The following ANKFN1 variants were observed in gnomAD, a reference collection of about 807,000 sequenced individuals.
ANKFN1 encodes the protein ankyrin repeat and fibronectin type-III domain-containing protein 1.
In ANKFN1, 74 loss-of-function variants were observed where a neutral mutation model predicts 108.7. That is an observed-to-expected ratio of 0.68 (90% CI 0.56 to 0.83). ANKFN1 has a LOEUF of 0.83. ANKFN1 is among the 40% of genes least tolerant of loss of function. The probability of loss-of-function intolerance (pLI) is 0.00; values close to 1 mark genes in which losing one functional copy is unlikely to be tolerated. For synonymous variants in ANKFN1, 547 were observed against 516.2 expected (o/e 1.06, Z -0.81); for missense variants, 1,505 against 1,382.3 (o/e 1.09, Z -1.41).
At chr17:56,063,648 T>G (rs1420122373) in intron 4 of ANKFN1, among the ~76,000 whole-genome samples, 1 of 152,062 alleles carries the variant, frequency 6.6e-6, no homozygotes, top group Middle Eastern at 3.2e-3. Context: ...GCAGTTCCTC[T>G]AACCTTTTAT....
chr17:56,445,660 T>C lies in ANKFN1; in HGVS notation c.1099+2727T>C, dbSNP rs530191985. On this transcript the variant is annotated intron_variant, in intron 10 of 20. Transcript: ENST00000682825. Reference sequence around the variant, plus strand: ...TTCAGATATTTACTAGAGGACAATGTATTCTAACATGACAGGGTAATTGGA... The same window carrying C: ...TTCAGATATTTACTAGAGGACAATGCATTCTAACATGACAGGGTAATTGGA... Among the ~76,000 whole-genome samples, 64 of 152,332 alleles carry C rather than the reference T, an allele frequency of 4.2e-4. 1 individual carries two copies. The highest frequency in any genetic ancestry group is 4.3e-4 in the Non-Finnish European group (29 of 68,030).
At chr17:56,196,735 T>C (rs1913550121) in intron 1 of ANKFN1, among the ~76,000 whole-genome samples, 1 of 152,074 alleles carries the variant, frequency 6.6e-6, no homozygotes, top group South Asian at 2.1e-4. Flanking sequence ...AGCAAGACCC[T>C]GTCACAAAGA....
intron 20 of ANKFN1, among the ~76,000 whole-genome samples, chr17:56,506,234 C>T (rs2051560040): frequency 1.3e-5 from 2 of 150,146 alleles, no homozygotes; most frequent in Non-Finnish European, 3.0e-5. Context: ...CATGACAGGC[C>T]CCAGTGTGTG....
chr17:56,180,291 C>T (rs966253180), intron 1 of ANKFN1, among the ~76,000 whole-genome samples: 1 of 152,162 alleles, frequency 6.6e-6, no homozygotes, highest in African/African-American at 2.4e-5. Context: ...ATTCTTTGTT[C>T]TATCTGTTGC....
intron 4 of ANKFN1, among the ~76,000 whole-genome samples, chr17:56,100,929 T>C (rs896843939): frequency 3.3e-5 from 5 of 152,216 alleles, no homozygotes; most frequent in African/African-American, 1.2e-4. Flanking sequence ...GGGCTGACTG[T>C]GTCCTCCTGA....
intron 1 of ANKFN1, among the ~76,000 whole-genome samples, chr17:56,198,154 A>T (rs1243391906): frequency 6.6e-6 from 1 of 152,208 alleles, no homozygotes; most frequent in African/African-American, 2.4e-5. Context: ...GTTTCCAGAG[A>T]CTGAGAAGAC....
At chr17:56,105,711 C>CTCTG (rs1555594333) in intron 4 of ANKFN1, among the ~76,000 whole-genome samples, 3 of 144,544 alleles carry the variant, frequency 2.1e-5, no homozygotes, top group African/African-American at 7.8e-5. Flanking sequence ...GTTTTTTTGT[C>CTCTG]TGTGTGTGTG....
chr17:56,506,063 T>G (rs2051550588), intron 20 of ANKFN1, among the ~76,000 whole-genome samples: 1 of 152,150 alleles, frequency 6.6e-6, no homozygotes. Context: ...GTTTGTTTGT[T>G]TATTTGTTTT....
At chr17:56,466,252 A>G in intron 14 of ANKFN1, 104 bp from the exon 15 acceptor site, 1 of 1,056,486 alleles carries the variant, frequency 9.5e-7, no homozygotes, top group African/African-American at 1.6e-5. Flanking sequence ...GAGAGCAAAC[A>G]GCTTCTCAGA....
intron 1 of ANKFN1, among the ~76,000 whole-genome samples, chr17:56,206,040 G>A (rs1914504180): frequency 6.6e-6 from 1 of 151,994 alleles, no homozygotes; most frequent in Admixed American, 6.6e-5. Flanking sequence ...AGATCCTCAT[G>A]ACTTTATAAT....
chr17:56,060,613 C>T (rs1193815260), intron 4 of ANKFN1, among the ~76,000 whole-genome samples: 4 of 152,068 alleles, frequency 2.6e-5, no homozygotes, highest in Non-Finnish European at 4.4e-5. Context: ...CCATCAATAC[C>T]TAGTTTATTG....
In ANKFN1 at chr17:56,065,504, C is replaced by T. The variant is rs182388996; in HGVS notation, c.288+19179C>T. On this transcript the variant is annotated intron_variant, in intron 4 of 12. Transcript: ENST00000635860. ...CTATCTCAGCCTCTGAGATGCCTTT[C>T]TCGCTAAGTTTGATCATTTCTAGCT... 1.1e-4 allele frequency among the ~76,000 whole-genome samples: 17 copies of T among 152,304 alleles called. No individual in the cohort carries two copies. The East Asian group carries it at 2.9e-3, about 26-fold the overall frequency.
At position 56,295,531 on chromosome 17, in the gene ANKFN1, A is replaced by G. The variant is rs141705646; in HGVS notation, c.54-30690A>G. The stretch of plus-strand genomic sequence containing the variant: ...CAATCCCTCCAGATGATTCCAATGC[A>G]CACTGATACATGAAAACCACTATTC... On this transcript the variant is annotated intron_variant, in intron 3 of 20. Transcript: ENST00000682825. Among the ~76,000 whole-genome samples the G allele has an allele frequency of 3.9e-3, 600 of 152,270 alleles. 3 individuals are homozygous for G. The highest frequency in any genetic ancestry group is 0.014 in the African/African-American group (566 of 41,548).
At chr17:56,300,877 T>C (rs1296539383) in intron 3 of ANKFN1, among the ~76,000 whole-genome samples, 1 of 152,196 alleles carries the variant, frequency 6.6e-6, no homozygotes, top group Non-Finnish European at 1.5e-5. Context: ...GCTTAGAATT[T>C]GGGTCCCTCC....
At chr17:56,436,913 T>C (rs1390892549) in intron 8 of ANKFN1, among the ~76,000 whole-genome samples, 1 of 152,110 alleles carries the variant, frequency 6.6e-6, no homozygotes, top group Non-Finnish European at 1.5e-5. Context: ...CTTCATTCTT[T>C]AAATGCCCAG....
At chr17:56,177,420 T>A (rs1166427629) in intron 1 of ANKFN1, among the ~76,000 whole-genome samples, 1 of 152,250 alleles carries the variant, frequency 6.6e-6, no homozygotes, top group Non-Finnish European at 1.5e-5. Context: ...CATCTCACCT[T>A]GGGCTTAAAT....
intron 4 of ANKFN1, among the ~76,000 whole-genome samples, chr17:56,083,839 T>C (rs1567783551): frequency 6.6e-6 from 1 of 151,530 alleles, no homozygotes; most frequent in Admixed American, 6.6e-5. Context: ...GAACTATGAA[T>C]AGCACTTGCC....
chr17:56,240,065 TTAAC>T (rs1567857914), intron 3 of ANKFN1, among the ~76,000 whole-genome samples: 1 of 152,148 alleles, frequency 6.6e-6, no homozygotes, highest in Non-Finnish European at 1.5e-5. Flanking sequence ...TCATGCACAT[TTAAC>T]TAATTTGAGT....
At chr17:56,109,304 G>A (rs1242700830) in intron 4 of ANKFN1, among the ~76,000 whole-genome samples, 4 of 152,126 alleles carry the variant, frequency 2.6e-5, no homozygotes, top group Middle Eastern at 3.2e-3. Context: ...AGGGACATGG[G>A]TGGATGGAGC....
Sources: allele counts gnomAD v4.1 joint callset (sites outside exome capture counted in the v4.1 genomes callset), GRCh38; gene constraint gnomAD v4.1.1; transcripts MANE v1.5; gene names NCBI Gene and HGNC (gene_info 2026-07-23, HGNC 2026-07-21).